Variants in NIT2 observed in about 807,000 individuals in gnomAD.
NIT2 encodes the protein nitrilase family member 2.
Under a neutral mutation model 42.7 loss-of-function variants are expected in NIT2, and 46 were observed. The observed-to-expected ratio is 1.08, with a 90% confidence interval of 0.85 to 1.38. NIT2 has a LOEUF of 1.38. NIT2 is among the 40% of genes most tolerant of loss of function. The probability of loss-of-function intolerance (pLI) is 0.00; values close to 1 mark genes in which losing one functional copy is unlikely to be tolerated. For synonymous variants in NIT2, 123 were observed against 121.9 expected, an observed-to-expected ratio of 1.01 and a Z score of -0.06; for missense variants, 309 against 342.5, an observed-to-expected ratio of 0.90 and a Z score of 0.77.
chr3:100,339,374 T>C (rs914052720), intron 2 of NIT2, among the ~76,000 whole-genome samples, 169 bp downstream of exon 2: 15 of 152,156 alleles, frequency 9.9e-5, no homozygotes, highest in African/African-American at 3.4e-4. Context: ...CTTTGTGAGA[T>C]AGGATGTGCC....
At chr3:100,342,192 T>C (rs1559823541) in intron 4 of NIT2, among the ~76,000 whole-genome samples, 2 of 152,246 alleles carry the variant, frequency 1.3e-5, no homozygotes, top group African/African-American at 4.8e-5. Context: ...CACTCCAGCC[T>C]TCTTATGCCT....
At chr3:100,342,791 AT>A (rs373431348) in intron 4 of NIT2, among the ~76,000 whole-genome samples, 165 of 152,220 alleles carry the variant, frequency 1.1e-3, no homozygotes, top group African/African-American at 3.9e-3. Context: ...GAAGAAAAAA[AT>A]CTTTATGTTT....
rs1467515465 is a variant in NIT2 at position 100,352,396 on chromosome 3, G to T, written c.585-8G>T. On this transcript the variant is annotated splice_polypyrimidine_tract_variant and splice_region_variant and intron_variant, in intron 7 of 9. Transcript: ENST00000394140. ...ACGATTTACCTCTTTCCTGTCTATTGACTACAGGGCTGTTGATAATCAGGT... is the reference window on the plus strand; with the variant it reads ...ACGATTTACCTCTTTCCTGTCTATTTACTACAGGGCTGTTGATAATCAGGT... 3 of 1,605,000 alleles carry T rather than the reference G, an allele frequency of 1.9e-6. No homozygotes were observed. The highest frequency in any genetic ancestry group is 2.2e-5 in the South Asian group (2 of 90,776).
intron 4 of NIT2, among the ~76,000 whole-genome samples, chr3:100,342,508 A>G (rs1260914007): frequency 6.8e-6 from 1 of 147,592 alleles, no homozygotes; most frequent in African/African-American, 2.5e-5. Flanking sequence ...CTTTTTAGTT[A>G]TACATCTTAG....
At chr3:100,346,156 T>C (rs1410313921) in intron 5 of NIT2, 25 bp from the exon 6 acceptor site, 4 of 1,607,152 alleles carry the variant, frequency 2.5e-6, no homozygotes, top group Non-Finnish European at 3.4e-6. Flanking sequence ...AACTTTTCAT[T>C]TGTGCATTTT....
In NIT2 at chr3:100,355,247, T is replaced by C. The variant is rs144496756; in HGVS notation, c.810T>C (p.Ala270=). 94 of 1,613,880 alleles carry C rather than the reference T, an allele frequency of 5.8e-5. No homozygotes were observed. In the African/African-American group the frequency reaches 1.2e-3, roughly 20 times the overall value. Reference sequence around the variant, plus strand: ...GACAGAAGCGATCAGACCTCTATGCTGTGGAGATGAAAAAGCCCTAAAGTT... The same window carrying C: ...GACAGAAGCGATCAGACCTCTATGCCGTGGAGATGAAAAAGCCCTAAAGTT... The part of the protein sequence containing the change: ...VFRQKRSDLY[A]VEMKKP Residue 270 remains alanine, a synonymous_variant, in exon 10 of 10, where the codon GCT becomes GCC. Transcript: ENST00000394140.
chr3:100,337,358 G>A (rs537247823), intron 1 of NIT2, among the ~76,000 whole-genome samples: 9 of 152,168 alleles, frequency 5.9e-5, no homozygotes, highest in South Asian at 2.1e-4. Flanking sequence ...TTACTGCTGC[G>A]TCCCACCAGA....
rs1040455196 is a variant in NIT2, at chr3:100,359,143, CT to C, written c.*3876del. ...AATCACCAATTAAAAAGTTAAGCCC[CT>C]GATGTACAAATAACTAAAACACATA... is the stretch of plus-strand genomic sequence containing the variant. On this transcript the variant is annotated 3_prime_UTR_variant, in exon 10 of 10. Transcript: ENST00000394140. 6 of 152,196 alleles carry C rather than the reference CT, an allele frequency of 3.9e-5. No individual in the cohort carries two copies. The highest frequency in any genetic ancestry group is 8.8e-5 in the Non-Finnish European group (6 of 68,034). The allele number at this position is 152,196 out of a possible 1,614,324, so 9.4% of individuals were successfully genotyped here.
intron 1 of NIT2, among the ~76,000 whole-genome samples, chr3:100,338,841 AC>A (rs1310984471): frequency 1.3e-5 from 2 of 152,160 alleles, no homozygotes; most frequent in Non-Finnish European, 2.9e-5. Flanking sequence ...GACATTTTGG[AC>A]AGGATAATTC....
chr3:100,351,990 C>CA (rs1205862614), intron 7 of NIT2, among the ~76,000 whole-genome samples: 4 of 151,982 alleles, frequency 2.6e-5, no homozygotes, highest in African/African-American at 7.3e-5. Flanking sequence ...TTTATGCAGC[C>CA]AAAAAACACA....
At chr3:100,337,463 A>AT (rs1706091371) in intron 1 of NIT2, among the ~76,000 whole-genome samples, 3 of 152,020 alleles carry the variant, frequency 2.0e-5, no homozygotes. Context: ...TTATTTATTT[A>AT]TTTTTTTGGA....
chr3:100,350,825 T>C (rs939589148), intron 7 of NIT2, among the ~76,000 whole-genome samples: 1 of 152,156 alleles, frequency 6.6e-6, no homozygotes, highest in African/African-American at 2.4e-5. Flanking sequence ...CATTTAGCAT[T>C]AGGTATATCT....
chr3:100,350,141 C>T (rs1335364490), intron 7 of NIT2: 1 of 152,176 alleles, frequency 6.6e-6, no homozygotes, highest in African/African-American at 2.4e-5. Context: ...CTGCTGTTCT[C>T]ACTTCTAGAG....
chr3:100,336,061 CTATT>C (rs1706067472), intron 1 of NIT2, among the ~76,000 whole-genome samples: 1 of 152,194 alleles, frequency 6.6e-6, no homozygotes, highest in East Asian at 1.9e-4. Flanking sequence ...GATTCTATAA[CTATT>C]TAGCAGGCTG....
intron 8 of NIT2, 42 bp from the exon 9 acceptor site, chr3:100,354,730 A>G (rs1050761966): frequency 3.3e-6 from 5 of 1,530,330 alleles, no homozygotes; most frequent in Non-Finnish European, 3.6e-6. Context: ...AATATCACCA[A>G]ACATCAGTGA....
chr3:100,348,984 T>C, intron 7 of NIT2, 103 bp downstream of exon 7: 1 of 892,406 alleles, frequency 1.1e-6, no homozygotes, highest in Non-Finnish European at 1.8e-6. Flanking sequence ...ATTCTGTCCC[T>C]GACTCAGGAT....
chr3:100,346,035 A>C (rs1043571810), intron 5 of NIT2, 146 bp from the exon 6 acceptor site: 14 of 646,334 alleles, frequency 2.2e-5, no homozygotes, highest in Non-Finnish European at 3.9e-5. Flanking sequence ...AGTAGGAATG[A>C]GCTTGTAAAT....
chr3:100,348,217 G>GT (rs2148883445), intron 6 of NIT2, among the ~76,000 whole-genome samples: 1 of 152,322 alleles, frequency 6.6e-6, no homozygotes, highest in South Asian at 2.1e-4. Flanking sequence ...TTACCAAGGG[G>GT]TGAAATATTC....
At chr3:100,346,365 C>T in intron 6 of NIT2, 110 bp downstream of exon 6, 1 of 908,390 alleles carries the variant, frequency 1.1e-6, no homozygotes, top group East Asian at 2.7e-5. Context: ...TTTAATTTCT[C>T]CATCTTCAGC....
Sources: gnomAD v4.1 joint callset for allele counts (sites outside exome capture counted in the v4.1 genomes callset) on GRCh38, gnomAD v4.1.1 for gene constraint, MANE v1.5 for transcripts, NCBI Gene and HGNC (gene_info 2026-07-23, HGNC 2026-07-21) for gene names.